SOX5: variants seen among roughly 807,000 people sequenced by gnomAD.
SOX5 encodes transcription factor SOX-5.
A neutral mutation model predicts 92.0 loss-of-function variants in SOX5; 9 were observed. That is an observed-to-expected ratio of 0.10 (90% CI 0.06 to 0.17). The LOEUF (loss-of-function observed/expected upper bound fraction) is 0.17. SOX5 is among the 10% of genes least tolerant of loss of function. SOX5 has a pLI of 1.00. For missense variants in SOX5, 642 were observed against 944.5 expected (o/e 0.68, Z 4.20); for synonymous variants, 344 against 336.3 (o/e 1.02, Z -0.25).
intron 1 of SOX5, among the ~76,000 whole-genome samples, chr12:23,912,731 A>G (rs571281906): frequency 9.9e-4 from 151 of 152,314 alleles, no homozygotes; most frequent in Admixed American, 2.9e-3. Flanking sequence ...GAAAGAAGCC[A>G]TTCACAAAGG....
intron 3 of SOX5, among the ~76,000 whole-genome samples, chr12:24,268,695 T>C (rs1019483890): frequency 1.3e-5 from 2 of 152,222 alleles, no homozygotes; most frequent in African/African-American, 4.8e-5. Flanking sequence ...GTATGTAGCA[T>C]CAGGAGCCTT....
At chr12:24,496,258 T>C (rs900427208) in intron 1 of SOX5, among the ~76,000 whole-genome samples, 18 of 152,204 alleles carry the variant, frequency 1.2e-4, no homozygotes, top group African/African-American at 4.1e-4. Flanking sequence ...ACTTAGAGTT[T>C]ACTCAAACTT....
intron 1 of SOX5, among the ~76,000 whole-genome samples, chr12:23,919,094 A>C (rs186338582): frequency 6.6e-6 from 1 of 152,284 alleles, no homozygotes; most frequent in East Asian, 1.9e-4. Context: ...AATGAAGATG[A>C]CTGAGCAAAT....
At chr12:23,695,018 G>T (rs935779465) in intron 6 of SOX5, among the ~76,000 whole-genome samples, 1 of 151,824 alleles carries the variant, frequency 6.6e-6, no homozygotes, top group African/African-American at 2.4e-5. Flanking sequence ...TACTTGCAAG[G>T]CTGAGGTGGG....
intron 6 of SOX5, among the ~76,000 whole-genome samples, chr12:23,667,667 A>G (rs2084036407): frequency 6.6e-6 from 1 of 152,166 alleles, no homozygotes; most frequent in Non-Finnish European, 1.5e-5. Context: ...GTCTCAATCT[A>G]GTGAGGGGAA....
chr12:24,239,862 T>A (rs1565727434), intron 3 of SOX5, among the ~76,000 whole-genome samples: 1 of 152,208 alleles, frequency 6.6e-6, no homozygotes, highest in Non-Finnish European at 1.5e-5. Context: ...AGATTTAACC[T>A]GACCATTCTC....
chr12:24,268,518 T>C (rs1943299566), intron 3 of SOX5, among the ~76,000 whole-genome samples: 1 of 152,060 alleles, frequency 6.6e-6, no homozygotes, highest in Non-Finnish European at 1.5e-5. Flanking sequence ...GAAATAGAAA[T>C]AGACTAAAAC....
intron 2 of SOX5, among the ~76,000 whole-genome samples, chr12:24,309,095 C>T (rs559717921): frequency 2.6e-5 from 4 of 152,328 alleles, no homozygotes; most frequent in Non-Finnish European, 5.9e-5. Flanking sequence ...CTGCAGAGAG[C>T]AGTAGAATTA....
intron 4 of SOX5, among the ~76,000 whole-genome samples, chr12:24,171,084 T>C (rs796541364): frequency 3.2e-4 from 49 of 151,842 alleles, no homozygotes; most frequent in African/African-American, 1.0e-3. Context: ...ATGGACACTT[T>C]GATTTATTCC....
chr12:24,503,835 G>A (rs1408373990), intron 1 of SOX5, among the ~76,000 whole-genome samples: 1 of 152,116 alleles, frequency 6.6e-6, no homozygotes, highest in Admixed American at 6.5e-5. Flanking sequence ...GGGTTGGTGG[G>A]TAGGGGAGGG....
chr12:23,910,394 CAT>C lies in SOX5; in HGVS notation c.39-14372_39-14371del, dbSNP rs1480802515. Among the ~76,000 whole-genome samples the C allele has an allele frequency of 3.3e-5, 5 of 152,152 alleles. No homozygotes were observed. The East Asian group carries it at 9.6e-4, about 29-fold the overall frequency. On this transcript the variant is annotated intron_variant, in intron 1 of 14. Coordinates refer to ENST00000451604, the MANE Select transcript of SOX5 (RefSeq NM_006940.6). ...TTAATCCTTTCAAAATCCTAGCTCT[CAT>C]GTGTCCAAGAACATCAAACCATGTG... is the stretch of plus-strand genomic sequence containing the variant.
At chr12:24,293,605 G>C (rs1354904854) in intron 2 of SOX5, among the ~76,000 whole-genome samples, 1 of 152,146 alleles carries the variant, frequency 6.6e-6, no homozygotes, top group Non-Finnish European at 1.5e-5. Flanking sequence ...AGGTGGGGAA[G>C]AATCTTCACA....
intron 3 of SOX5, among the ~76,000 whole-genome samples, chr12:24,241,679 A>G (rs929620760): frequency 6.6e-5 from 10 of 152,194 alleles, no homozygotes; most frequent in African/African-American, 1.9e-4. Context: ...CCTCAACAGA[A>G]CATTCAAGCT....
chr12:24,508,034 G>C (rs1188178315), intron 1 of SOX5, among the ~76,000 whole-genome samples: 1 of 152,150 alleles, frequency 6.6e-6, no homozygotes, highest in African/African-American at 2.4e-5. Context: ...TGCAGCCTGA[G>C]GGTGGGTGGA....
At chr12:23,821,371 C>T in intron 3 of SOX5, among the ~76,000 whole-genome samples, 1 of 152,176 alleles carries the variant, frequency 6.6e-6, no homozygotes, top group Middle Eastern at 3.2e-3. Context: ...AATCTGCAAA[C>T]AGAGATAATT....
chr12:23,973,637 G>C (rs1354472429), intron 4 of SOX5, among the ~76,000 whole-genome samples: 1 of 152,182 alleles, frequency 6.6e-6, no homozygotes, highest in Non-Finnish European at 1.5e-5. Flanking sequence ...CATGGTGGAT[G>C]CCTGAAACGT....
chr12:23,911,228 C>T (rs919319524), intron 1 of SOX5, among the ~76,000 whole-genome samples: 5 of 151,936 alleles, frequency 3.3e-5, no homozygotes, highest in East Asian at 1.9e-4. Context: ...CTTAACTTTC[C>T]AGAAATACAT....
At chr12:23,621,044 A>T (rs2077112686) in intron 8 of SOX5, among the ~76,000 whole-genome samples, 1 of 152,116 alleles carries the variant, frequency 6.6e-6, no homozygotes, top group Non-Finnish European at 1.5e-5. Context: ...TTGACACTAC[A>T]TATTAGTTAT....
intron 3 of SOX5, among the ~76,000 whole-genome samples, chr12:23,764,631 T>C (rs2094656920): frequency 6.6e-6 from 1 of 152,090 alleles, no homozygotes; most frequent in African/African-American, 2.4e-5. Context: ...ATTCACATAA[T>C]CACTTTGTGT....
Sources: gnomAD v4.1 joint callset for allele counts (sites outside exome capture counted in the v4.1 genomes callset) on GRCh38, gnomAD v4.1.1 for gene constraint, MANE v1.5 for transcripts, NCBI Gene and HGNC (gene_info 2026-07-23, HGNC 2026-07-21) for gene names.